Variants in PPIL1 observed in about 807,000 individuals in gnomAD.
PPIL1 encodes the protein peptidylprolyl isomerase like 1.
In PPIL1, 14 loss-of-function variants were observed where a neutral mutation model predicts 19.4. The observed-to-expected ratio is 0.72, with a 90% CI of 0.48 to 1.13. The LOEUF (loss-of-function observed/expected upper bound fraction) is 1.13, where lower values mean the gene tolerates loss of function less well. Among genes scored for constraint, PPIL1 ranks in the 50% most tolerant of loss-of-function variants. The pLI is 0.00. For missense variants in PPIL1, 192 were observed against 218.0 expected (o/e 0.88, Z 0.75); for synonymous variants, 72 against 73.6 (o/e 0.98, Z 0.11).
chr6:36,863,670 T>C (rs1448656715), intron 2 of PPIL1, among the ~76,000 whole-genome samples: 5 of 152,062 alleles, frequency 3.3e-5, no homozygotes, highest in African/African-American at 1.2e-4. Context: ...TGTCTCTACT[T>C]CTCCCCATTC....
intron 2 of PPIL1, among the ~76,000 whole-genome samples, chr6:36,859,526 A>G (rs556205145): frequency 1.3e-5 from 2 of 152,088 alleles, no homozygotes; most frequent in East Asian, 1.9e-4. Context: ...CAGAGTTTTC[A>G]TAATATCTTA....
chr6:36,859,424 C>CA (rs36097489), intron 2 of PPIL1, among the ~76,000 whole-genome samples: 19,620 of 72,866 alleles, frequency 0.27, 3,027 homozygotes, highest in Non-Finnish European at 0.35. Context: ...GACCCTGTCT[C>CA]AAAAAAAAAA....
chr6:36,864,706 A>G (rs1481696743), intron 2 of PPIL1, among the ~76,000 whole-genome samples: 1 of 152,144 alleles, frequency 6.6e-6, no homozygotes, highest in Non-Finnish European at 1.5e-5. Context: ...CCATCCTTCA[A>G]TGCACAGGAC....
chr6:36,871,906 A>G (rs1248666743), intron 1 of PPIL1, 34 bp from the exon 2 acceptor site: 1 of 1,540,210 alleles, frequency 6.5e-7, no homozygotes, highest in Admixed American at 2.3e-5. Context: ...TCCAGTAAAC[A>G]AAAAGGTCAG....
At chr6:36,861,695 T>TA (rs1554132666) in intron 2 of PPIL1, among the ~76,000 whole-genome samples, 7 of 147,156 alleles carry the variant, frequency 4.8e-5, no homozygotes, top group South Asian at 4.3e-4. Flanking sequence ...TTTTTTTTTT[T>TA]AATTCCTTTT....
intron 2 of PPIL1, among the ~76,000 whole-genome samples, chr6:36,871,274 A>G (rs139840392): frequency 1.9e-4 from 29 of 152,300 alleles, no homozygotes; most frequent in African/African-American, 7.0e-4. Flanking sequence ...GTTTATAGGT[A>G]TCTCCCTAGA....
chr6:36,857,102 C>G (rs1164418102), intron 2 of PPIL1, among the ~76,000 whole-genome samples: 1 of 152,156 alleles, frequency 6.6e-6, no homozygotes, highest in African/African-American at 2.4e-5. Context: ...CATTGCCAAT[C>G]AATCAGTATT....
At chr6:36,858,599 A>G (rs1319120990) in intron 2 of PPIL1, 2 of 152,234 alleles carry the variant, frequency 1.3e-5, no homozygotes, top group Non-Finnish European at 2.9e-5. Context: ...AGCCTGTCAC[A>G]GCCCCCGTTT....
chr6:36,862,890 T>C (rs993078915), intron 2 of PPIL1, among the ~76,000 whole-genome samples: 1 of 152,358 alleles, frequency 6.6e-6, no homozygotes, highest in South Asian at 2.1e-4. Context: ...GTTCTGAAGA[T>C]GCTGTCTTCT....
At chr6:36,859,424 C>CAAAAAAAA (rs36097489) in intron 2 of PPIL1, among the ~76,000 whole-genome samples, 1 of 73,208 alleles carries the variant, frequency 1.4e-5, no homozygotes, top group Non-Finnish European at 2.5e-5. Context: ...GACCCTGTCT[C>CAAAAAAAA]AAAAAAAAAA....
rs568130003 is a variant in PPIL1 at position 36,855,965 on chromosome 6, C to T, written c.349G>A (p.Ala117Thr). The T allele has an allele frequency of 2.0e-4, 317 of 1,614,124 alleles. No individual in the cohort carries two copies. In the South Asian group the frequency reaches 2.8e-3, roughly 14 times the overall value. The change falls in exon 4 of 4, where the codon GCC becomes ACC. Residue 117 changes from alanine (A) to threonine (T), a missense_variant. Coordinates refer to ENST00000373699, the MANE Select transcript of PPIL1 (RefSeq NM_016059.5). ...TNGSQFFVTL[A>T]PTQWLDGKHT... is the part of the protein sequence containing the mutation. ...TTGCCGTCAAGCCACTGGGTGGGGGCGAGGGTCACAAAGAACTGGCTGCCA... is the reference window on the plus strand; with the variant it reads ...TTGCCGTCAAGCCACTGGGTGGGGGTGAGGGTCACAAAGAACTGGCTGCCA...
At chr6:36,856,532 A>G (rs1774170650) in intron 3 of PPIL1, 54 bp downstream of exon 3, 6 of 1,507,888 alleles carry the variant, frequency 4.0e-6, no homozygotes, top group African/African-American at 1.4e-5. Flanking sequence ...TGGCCAAAAG[A>G]GTGAGCTTTT....
chr6:36,859,790 G>A (rs1219905257), intron 2 of PPIL1, among the ~76,000 whole-genome samples: 1 of 138,624 alleles, frequency 7.2e-6, no homozygotes, highest in Non-Finnish European at 1.6e-5. Context: ...ACACAATGAA[G>A]ATAGGCAGAC....
At chr6:36,857,757 C>T (rs1274060214) in intron 2 of PPIL1, among the ~76,000 whole-genome samples, 3 of 151,922 alleles carry the variant, frequency 2.0e-5, no homozygotes, top group Non-Finnish European at 2.9e-5. Flanking sequence ...ATACTCCAGT[C>T]TAGGCAAGAG....
intron 2 of PPIL1, among the ~76,000 whole-genome samples, chr6:36,857,329 G>A (rs1583104810): frequency 6.6e-6 from 1 of 152,334 alleles, no homozygotes; most frequent in African/African-American, 2.4e-5. Flanking sequence ...GGTCGGCAGA[G>A]TCCACTGAGA....
In PPIL1 at chr6:36,858,231, CAAAAAAAAAA is replaced by C. The variant is rs55719434; in HGVS notation, c.212-1587_212-1578del. On this transcript the variant is annotated intron_variant, in intron 2 of 3. Coordinates refer to ENST00000373699, the MANE Select transcript of PPIL1 (RefSeq NM_016059.5). ...CCTGGGCGACAGAGCAAGACTGTCTCAAAAAAAAAAAAAAAAAAAAAAAAAGATGTAAGTT... is the reference window on the plus strand; with the variant it reads ...CCTGGGCGACAGAGCAAGACTGTCTCAAAAAAAAAAAAAAAGATGTAAGTT... Among the ~76,000 whole-genome samples, 252 of 68,198 alleles carry C rather than the reference CAAAAAAAAAA, an allele frequency of 3.7e-3. 5 individuals carry two copies. In the East Asian group the frequency reaches 0.099, roughly 27 times the overall value. 44.7% of individuals were successfully genotyped at this position (68,198 alleles called of 152,430 possible). A position where few individuals can be genotyped will look rare whatever the true frequency, so the allele number is the denominator to read the frequency against.
intron 2 of PPIL1, among the ~76,000 whole-genome samples, chr6:36,867,497 C>G (rs1325735707): frequency 6.6e-6 from 1 of 152,234 alleles, no homozygotes; most frequent in East Asian, 1.9e-4. Context: ...AAATACCCTC[C>G]GATTCTGAAC....
rs1774172510 is a variant in PPIL1, at chr6:36,856,605, A to C, written c.261T>G (p.His87Gln). ...ACTTACCCGTGAATTTCAAGTCTGG[A>C]TGAAGTTCATCTTCAAACTGTTTGC... Reference protein sequence around the residue: ...IYGKQFEDELHPDLKFTGAGI... With the variant: ...IYGKQFEDELQPDLKFTGAGI... Residue 87 changes from histidine to glutamine, a missense_variant, in exon 3 of 4, where the codon CAT becomes CAG. Physicochemically the swap from His to Gln is conservative, Grantham distance 24. Coordinates refer to ENST00000373699, the MANE Select transcript of PPIL1 (RefSeq NM_016059.5). 2.5e-6 allele frequency: 4 copies of C among 1,614,048 alleles called. No homozygotes were observed. The highest frequency in any genetic ancestry group is 3.4e-6 in the Non-Finnish European group (4 of 1,179,990).
chr6:36,860,433 G>A (rs571970551), intron 2 of PPIL1, among the ~76,000 whole-genome samples: 1 of 151,966 alleles, frequency 6.6e-6, no homozygotes, highest in Admixed American at 6.6e-5. Context: ...TTGCACTCCT[G>A]TCTGTCTCCA....
Sources: allele counts gnomAD v4.1 joint callset (sites outside exome capture counted in the v4.1 genomes callset), GRCh38; gene constraint gnomAD v4.1.1; transcripts MANE v1.5; gene names NCBI Gene and HGNC (gene_info 2026-07-23, HGNC 2026-07-21).